TBC1D21: variants seen among roughly 807,000 people sequenced by gnomAD.
The protein encoded by TBC1D21 is TBC1 domain family member 21, also known as male germ cell Rab GTPase-activating protein.
Under a neutral mutation model 46.0 loss-of-function variants are expected in TBC1D21, and 38 were observed. The observed-to-expected ratio is 0.83, with a 90% CI of 0.64 to 1.08. The LOEUF (loss-of-function observed/expected upper bound fraction) is 1.08. Among genes scored for constraint, TBC1D21 ranks in the 50% least tolerant of loss-of-function variants. TBC1D21 has a pLI of 0.00. For missense variants in TBC1D21, 415 were observed against 417.9 expected (o/e 0.99, Z 0.06); for synonymous variants, 151 against 157.2 (o/e 0.96, Z 0.29).
Position 73,885,020 on chromosome 15 carries a change from CA to C in TBC1D21, c.497del (p.His166LeufsTer3). On this transcript the variant is annotated frameshift_variant, in exon 6 of 11. Transcript: ENST00000300504. LOFTEE classifies it high-confidence loss of function. Reference sequence around the variant, plus strand: ...CGCCACAGAGTACCAGCAGGGCTTCCATGAGATGATGATGCTCTTCCAGCTG... The same window carrying C: ...CGCCACAGAGTACCAGCAGGGCTTCCTGAGATGATGATGCTCTTCCAGCTG... Reference protein sequence around the residue: ...NTQAEYQQGFHEMMMLFQLMV... With the variant: ...NTQAEYQQGFXEMMMLFQLMV... The C allele has an allele frequency of 6.2e-7, 1 of 1,613,572 alleles. No homozygotes were observed. Among genetic ancestry groups the C allele is most frequent in the Non-Finnish European group, 8.5e-7 (1 of 1,179,862 alleles).
chr15:73,893,932 C>G (rs939814450), downstream of TBC1D21, among the ~76,000 whole-genome samples: 2 of 152,240 alleles, frequency 1.3e-5, no homozygotes, highest in Admixed American at 1.3e-4. Flanking sequence ...AGAAGCTGTA[C>G]TAATTGGGTA....
chr15:73,893,728 A>G (rs1019851495), downstream of TBC1D21, among the ~76,000 whole-genome samples: 3 of 152,146 alleles, frequency 2.0e-5, no homozygotes, highest in Non-Finnish European at 2.9e-5. Flanking sequence ...TGCCAGCAGA[A>G]CCGAGTCCTG....
rs114519751 is a variant in TBC1D21 at position 73,887,818 on chromosome 15, T to C, written c.894+82T>C. The C allele has an allele frequency of 7.1e-4, 863 of 1,216,774 alleles. 3 individuals are homozygous for C. The African/African-American group carries it at 0.011, about 16-fold the overall frequency. The allele number at this position is 1,216,774 out of a possible 1,614,324, so 75.4% of individuals were successfully genotyped here. A position where few individuals can be genotyped will look rare whatever the true frequency, so the allele number is the denominator to read the frequency against. On this transcript the variant is annotated intron_variant, in intron 9 of 10. Coordinates refer to ENST00000300504, the MANE Select transcript of TBC1D21 (RefSeq NM_153356.3). The stretch of plus-strand genomic sequence containing the variant: ...CCCCACCCCAGCTGAAAGACCGGGG[T>C]TCATGGGGTGCTGGGCACCAGTGCC...
chr15:73,874,208 A>G (rs1236866970), intron 1 of TBC1D21, among the ~76,000 whole-genome samples: 1 of 152,190 alleles, frequency 6.6e-6, no homozygotes, highest in African/African-American at 2.4e-5. Flanking sequence ...GTATTTTTTC[A>G]AAATCATAAC....
chr15:73,890,183 C>T (rs1446564330), downstream of TBC1D21, among the ~76,000 whole-genome samples: 1 of 152,198 alleles, frequency 6.6e-6, no homozygotes, highest in African/African-American at 2.4e-5. Flanking sequence ...CCAACTGTCC[C>T]TCCCTCTGCT....
At position 73,886,100 on chromosome 15, in the gene TBC1D21, T is replaced by A; in HGVS notation, c.602T>A (p.Ile201Asn). 6.2e-7 allele frequency: 1 copy of A among 1,614,182 alleles called. No individual in the cohort carries two copies. The highest frequency in any genetic ancestry group is 2.2e-5 in the East Asian group (1 of 44,882). The change falls in exon 7 of 11, where the codon ATT becomes AAT. Residue 201 changes from isoleucine to asparagine, a missense_variant. Ile to Asn is a moderately radical substitution (Grantham distance 149). Transcript: ENST00000300504. ...QKTEHSCVIN[I>N]GVAKNLDMLS... The stretch of plus-strand genomic sequence containing the variant: ...CAGGAACACAGCTGTGTCATCAACA[T>A]TGGCGTGGCCAAGAACCTAGACATG...
At chr15:73,879,297 T>A (rs1322593398) in intron 1 of TBC1D21, among the ~76,000 whole-genome samples, 1 of 152,168 alleles carries the variant, frequency 6.6e-6, no homozygotes, top group Non-Finnish European at 1.5e-5. Context: ...AATCTCCGCC[T>A]CCCAGGTTCA....
chr15:73,906,360 G>T, the TBC1D21 span, among the ~76,000 whole-genome samples: 1 of 152,124 alleles, frequency 6.6e-6, no homozygotes, highest in Non-Finnish European at 1.5e-5. Context: ...ATGTGTCTCC[G>T]TGGGGTATGA....
intron 1 of TBC1D21, among the ~76,000 whole-genome samples, chr15:73,876,224 T>TTTTG (rs2068062859): frequency 6.6e-5 from 4 of 60,592 alleles, no homozygotes; most frequent in East Asian, 7.3e-4. Flanking sequence ...TTTTTTTTTT[T>TTTTG]TTTTTTTTTT....
In TBC1D21 at chr15:73,884,669, T is replaced by A. The variant is rs2068210469; in HGVS notation, c.368-112T>A. ...GGCTGATGTACCTTTCACAGCTCCC[T>A]CTCCCTCCAGGATGTCCTAGGGCCT... On this transcript the variant is annotated intron_variant, in intron 4 of 10. Coordinates refer to ENST00000300504, the MANE Select transcript of TBC1D21 (RefSeq NM_153356.3). 1.1e-5 allele frequency: 8 copies of A among 714,012 alleles called. No homozygotes were observed. In the South Asian group the frequency reaches 1.4e-4, roughly 13 times the overall value. 44.2% of individuals were successfully genotyped at this position (714,012 alleles called of 1,614,324 possible).
At chr15:73,892,149 C>T (rs576785841), downstream of TBC1D21, among the ~76,000 whole-genome samples, 2 of 152,346 alleles carry the variant, frequency 1.3e-5, no homozygotes, top group East Asian at 3.9e-4. Context: ...CTCAGGCAGA[C>T]TACCGGATGA....
intron 1 of TBC1D21, among the ~76,000 whole-genome samples, chr15:73,878,406 A>G (rs146112018): frequency 2.0e-4 from 31 of 152,346 alleles, no homozygotes; most frequent in African/African-American, 7.5e-4. Flanking sequence ...AATCCACAAG[A>G]AAGCCACTAC....
chr15:73,892,753 TG>T (rs2068347127), downstream of TBC1D21, among the ~76,000 whole-genome samples: 1 of 152,150 alleles, frequency 6.6e-6, no homozygotes, highest in Non-Finnish European at 1.5e-5. Flanking sequence ...CCAGGCTGAG[TG>T]GGCAAACAAG....
rs2068200343 is a variant in TBC1D21 at position 73,884,098 on chromosome 15, A to G, written c.273-53A>G. On this transcript the variant is annotated intron_variant, in intron 3 of 10. Coordinates refer to ENST00000300504, the MANE Select transcript of TBC1D21 (RefSeq NM_153356.3). ...TGGTAGCTGCAGCTGCTCATTCACC[A>G]CTTATCAGAAGGGGAAAAGCCACCT... 4.4e-6 allele frequency: 6 copies of G among 1,376,030 alleles called. No individual in the cohort carries two copies. The South Asian group carries it at 7.1e-5, about 16-fold the overall frequency. The allele number at this position is 1,376,030 out of a possible 1,614,324, so 85.2% of individuals were successfully genotyped here.
At chr15:73,908,812 C>G in the TBC1D21 span, among the ~76,000 whole-genome samples, 1 of 152,198 alleles carries the variant, frequency 6.6e-6, no homozygotes, top group African/African-American at 2.4e-5. Context: ...GGCTGTGATG[C>G]CTTGTAAGTC....
chr15:73,894,784 C>T, the TBC1D21 span, among the ~76,000 whole-genome samples: 48 of 152,282 alleles, frequency 3.2e-4, no homozygotes, highest in South Asian at 9.5e-3. Flanking sequence ...TGGCAGAGAC[C>T]CCCTGGATGG....
At chr15:73,877,816 C>T (rs888966074) in intron 1 of TBC1D21, among the ~76,000 whole-genome samples, 4 of 152,148 alleles carry the variant, frequency 2.6e-5, no homozygotes, top group Non-Finnish European at 4.4e-5. Flanking sequence ...AAAAGAAAAC[C>T]ATATGACCAT....
rs560364843 is a variant in TBC1D21 at position 73,881,901 on chromosome 15, C to T, written c.272+154C>T. Among the ~76,000 whole-genome samples the T allele has an allele frequency of 1.2e-4, 18 of 152,224 alleles. No individual in the cohort carries two copies. In the East Asian group the frequency reaches 3.3e-3, roughly 28 times the overall value. ...ACCCAGGCACAGCACACAGGAGGTG[C>T]GGCCAGTTCGTGCCAGTGCCTTCTC... On this transcript the variant is annotated intron_variant, in intron 3 of 10. Transcript: ENST00000300504.
At chr15:73,885,160 A>C in intron 6 of TBC1D21, 57 bp downstream of exon 6, 10 of 1,468,568 alleles carry the variant, frequency 6.8e-6, no homozygotes, top group Non-Finnish European at 9.5e-6. Context: ...CTACTCCCCA[A>C]ACAACTCTTT....
Sources: allele counts gnomAD v4.1 joint callset (sites outside exome capture counted in the v4.1 genomes callset), GRCh38; gene constraint gnomAD v4.1.1; transcripts MANE v1.5; gene names NCBI Gene and HGNC (gene_info 2026-07-23, HGNC 2026-07-21).